The following SLC9A3 variants were observed in gnomAD, a reference collection of about 807,000 sequenced individuals.
The protein encoded by SLC9A3 is solute carrier family 9 member A3.
Under a neutral mutation model 86.8 loss-of-function variants are expected in SLC9A3, and 37 were observed. The observed-to-expected ratio is 0.43, with a 90% confidence interval of 0.33 to 0.56. SLC9A3 has a LOEUF of 0.56. SLC9A3 is among the 20% of genes least tolerant of loss of function. The probability of loss-of-function intolerance (pLI) is 0.06; values close to 1 mark genes in which losing one functional copy is unlikely to be tolerated. For synonymous variants in SLC9A3, 581 were observed against 528.3 expected, an observed-to-expected ratio of 1.10 and a Z score of -1.37; for missense variants, 1,011 against 1,171.9, an observed-to-expected ratio of 0.86 and a Z score of 2.00.
At position 476,784 on chromosome 5, in the gene SLC9A3, T is replaced by G; in HGVS notation, c.1761-112A>C. The stretch of plus-strand genomic sequence containing the variant: ...GCCCTGGCTGCCTCCTGCGTGCCCC[T>G]CGCCTTCCCATGGTGGGCACCCGGC... On this transcript the variant is annotated intron_variant, in intron 11 of 16. Coordinates refer to ENST00000264938, the MANE Select transcript of SLC9A3 (RefSeq NM_004174.4). 3 of 1,344,624 alleles carry G rather than the reference T, an allele frequency of 2.2e-6. No individual in the cohort carries two copies. In the South Asian group the frequency reaches 3.9e-5, roughly 18 times the overall value. 83.3% of individuals were successfully genotyped at this position (1,344,624 alleles called of 1,614,324 possible).
chr5:486,573 G>A (rs1739482171), intron 3 of SLC9A3, among the ~76,000 whole-genome samples: 1 of 152,168 alleles, frequency 6.6e-6, no homozygotes, highest in South Asian at 2.1e-4. Flanking sequence ...TCCGGGCTCT[G>A]CCGTTAGCAC....
At chr5:502,609 C>G (rs1740341688) in intron 1 of SLC9A3, among the ~76,000 whole-genome samples, 1 of 152,222 alleles carries the variant, frequency 6.6e-6, no homozygotes, top group Admixed American at 6.5e-5. Context: ...AATCAGCAGA[C>G]AAGGGCCTAA....
chr5:485,739 C>T (rs1739432354), intron 3 of SLC9A3, among the ~76,000 whole-genome samples: 1 of 152,254 alleles, frequency 6.6e-6, no homozygotes, highest in Admixed American at 6.5e-5. Context: ...CCTGGGTGGG[C>T]CGAGGCCCCT....
chr5:518,010 TA>T (rs1733785402), intron 1 of SLC9A3, among the ~76,000 whole-genome samples: 1 of 151,848 alleles, frequency 6.6e-6, no homozygotes, highest in South Asian at 2.1e-4. Context: ...TCCATCCATC[TA>T]TCTATTCACT....
chr5:515,361 T>C (rs1675103722), intron 1 of SLC9A3, among the ~76,000 whole-genome samples: 1 of 152,012 alleles, frequency 6.6e-6, no homozygotes, highest in African/African-American at 2.4e-5. Flanking sequence ...GGGAACCCCT[T>C]GGGCACCCTG....
intron 1 of SLC9A3, among the ~76,000 whole-genome samples, chr5:522,739 C>CAAA (rs397960621): frequency 1.0e-5 from 1 of 98,140 alleles, no homozygotes; most frequent in Non-Finnish European, 2.3e-5. Context: ...AATTCTATCT[C>CAAA]AAAAAAAAAA....
chr5:476,672 C>T lies in SLC9A3; in HGVS notation c.1761G>A (p.Leu587=), dbSNP rs763770292. The stretch of plus-strand genomic sequence containing the variant: ...GGCAGACAGCGCTGACATTTTCTCT[C>T]CTGCGTGGGGACCAGCGCTGAGCCA... ...STVEASVSYL[L]RENVSAVCLD... Residue 587 remains leucine, a splice_region_variant and synonymous_variant, in exon 12 of 17, where the codon CTG becomes CTA. Coordinates refer to ENST00000264938, the MANE Select transcript of SLC9A3 (RefSeq NM_004174.4). 3.7e-6 allele frequency: 6 copies of T among 1,603,184 alleles called. No homozygotes were observed. Among genetic ancestry groups the T allele is most frequent in the Non-Finnish European group, 4.2e-6 (5 of 1,179,810 alleles).
chr5:514,989 T>C (rs929943937), intron 1 of SLC9A3, among the ~76,000 whole-genome samples: 1 of 152,014 alleles, frequency 6.6e-6, no homozygotes, highest in South Asian at 2.1e-4. Flanking sequence ...CCGGCTGGGA[T>C]GGTCCAGCAC....
intron 1 of SLC9A3, among the ~76,000 whole-genome samples, chr5:500,296 C>T (rs1178496805): frequency 3.3e-5 from 5 of 152,380 alleles, no homozygotes; most frequent in South Asian, 2.1e-4. Context: ...CAGACGGAAC[C>T]GGCTTCCGGC....
intron 10 of SLC9A3, 60 bp downstream of exon 10, chr5:479,776 C>G: frequency 6.3e-7 from 1 of 1,592,908 alleles, no homozygotes; most frequent in African/African-American, 1.3e-5. Flanking sequence ...CCCATGGCAC[C>G]CACAGCCAGT....
chr5:508,466 C>G (rs1579818167), intron 1 of SLC9A3, among the ~76,000 whole-genome samples: 2 of 143,514 alleles, frequency 1.4e-5, no homozygotes, highest in African/African-American at 2.6e-5. Flanking sequence ...ATGGAGATGC[C>G]GCAGGGAGAC....
rs982171919 is a variant in SLC9A3 at position 492,350 on chromosome 5, G to A, written c.212-279C>T. Among the ~76,000 whole-genome samples, 86 of 83,276 alleles carry A rather than the reference G, an allele frequency of 1.0e-3. No individual in the cohort carries two copies. The South Asian group carries it at 0.013, about 13-fold the overall frequency. 54.6% of individuals were successfully genotyped at this position (83,276 alleles called of 152,430 possible). A position where few individuals can be genotyped will look rare whatever the true frequency, so the allele number is the denominator to read the frequency against. ...GGGAGAGGGCAGGTAGGTGGGGGGA[G>A]CCCATGGGGGAGGGGAGGGAGGTAG... is the stretch of plus-strand genomic sequence containing the variant. On this transcript the variant is annotated intron_variant, in intron 1 of 16. Coordinates refer to ENST00000264938, the MANE Select transcript of SLC9A3 (RefSeq NM_004174.4).
Position 496,207 on chromosome 5 carries a change from A to G in SLC9A3, c.212-4136T>C, listed in dbSNP as rs898585153. On this transcript the variant is annotated intron_variant, in intron 1 of 16. Coordinates refer to ENST00000264938, the MANE Select transcript of SLC9A3 (RefSeq NM_004174.4). This position sits in a 1 kb window ranked among gnomAD's most constrained non-coding sequence, Gnocchi z 4.7. ...TCCGGGGTTGGAAAGGGTGTTGGAC[A>G]CGCCTTTCCCATGTGCGGTGGCGTC... is the stretch of plus-strand genomic sequence containing the variant. Among the ~76,000 whole-genome samples, 1 of 152,242 alleles carries G rather than the reference A, an allele frequency of 6.6e-6. No homozygotes were observed. Among genetic ancestry groups the G allele is most frequent in the Non-Finnish European group, 1.5e-5 (1 of 68,040 alleles).
chr5:513,457 A>G (rs748915716), intron 1 of SLC9A3, among the ~76,000 whole-genome samples: 10 of 152,148 alleles, frequency 6.6e-5, no homozygotes, highest in Non-Finnish European at 8.8e-5. Context: ...CCCTAAAAGC[A>G]CGTGGCCCCT....
At chr5:512,601 G>C (rs1733588260) in intron 1 of SLC9A3, among the ~76,000 whole-genome samples, 1 of 152,190 alleles carries the variant, frequency 6.6e-6, no homozygotes, top group South Asian at 2.1e-4. Context: ...GGAACGGCTG[G>C]GGTGTGGCTG....
In SLC9A3 at chr5:476,586, G is replaced by C. The variant is rs755360958; in HGVS notation, c.1847C>G (p.Thr616Arg). Residue 616 changes from threonine (T) to arginine (R), a missense_variant, in exon 12 of 17, where the codon ACG becomes AGG. Physicochemically the swap from Thr to Arg is moderately conservative, Grantham distance 71. Coordinates refer to ENST00000264938, the MANE Select transcript of SLC9A3 (RefSeq NM_004174.4). ...CAGGTACTGCTGTAGCGTGTGGTGCGTGACCATGTCCTCCGCGTCCCGGAT... is the reference window on the plus strand; with the variant it reads ...CAGGTACTGCTGTAGCGTGTGGTGCCTGACCATGTCCTCCGCGTCCCGGAT... The part of the protein sequence containing the change: ...RSIRDAEDMV[T>R]HHTLQQYLYK... 1.2e-6 allele frequency: 2 copies of C among 1,611,346 alleles called. No homozygotes were observed. The highest frequency in any genetic ancestry group is 1.7e-6 in the Non-Finnish European group (2 of 1,179,872).
rs1053184029 is a variant in SLC9A3, at chr5:472,354, G to A, written c.*1025C>T. The A allele has an allele frequency of 3.0e-6, 1 of 335,320 alleles. No homozygotes were observed. 20.8% of individuals were successfully genotyped at this position (335,320 alleles called of 1,614,324 possible). On this transcript the variant is annotated 3_prime_UTR_variant, in exon 17 of 17. Coordinates refer to ENST00000264938, the MANE Select transcript of SLC9A3 (RefSeq NM_004174.4). ...GAGCCTGGTAGGGGGGCGGTGCCCT[G>A]GGCCCCTCCATGCCCCCTGGTTTGT...
chr5:489,243 C>T lies in SLC9A3; in HGVS notation c.515-767G>A, dbSNP rs530568377. ...CCGCAGGGCTCAGAGGACACTGGGC[C>T]TCCTTGCTGCCTTCCCGGCCGTGAG... On this transcript the variant is annotated intron_variant, in intron 2 of 16. Transcript: ENST00000264938. Among the ~76,000 whole-genome samples, 3 of 152,302 alleles carry T rather than the reference C, an allele frequency of 2.0e-5. No individual in the cohort carries two copies. In the East Asian group the frequency reaches 5.8e-4, roughly 29 times the overall value.
rs148535259 is a variant in SLC9A3 at position 508,720 on chromosome 5, G to A, written c.211+15392C>T. ...TCAGCATCACCATCGCCCCCACGCCGTAAAGGACAAGGACATTAGAGAGGA... is the reference window on the plus strand; with the variant it reads ...TCAGCATCACCATCGCCCCCACGCCATAAAGGACAAGGACATTAGAGAGGA... On this transcript the variant is annotated intron_variant, in intron 1 of 16. Transcript: ENST00000264938. 4.5e-3 allele frequency among the ~76,000 whole-genome samples: 692 copies of A among 152,320 alleles called. 6 individuals are homozygous for A. The highest frequency in any genetic ancestry group is 0.016 in the African/African-American group (664 of 41,560).
Sources: gnomAD v4.1 joint callset for allele counts (sites outside exome capture counted in the v4.1 genomes callset) on GRCh38, gnomAD v4.1.1 for gene constraint, Gnocchi (gnomAD v3.1) non-coding constraint, MANE v1.5 for transcripts, NCBI Gene and HGNC (gene_info 2026-07-23, HGNC 2026-07-21) for gene names.